Variants in HERC2 observed in about 807,000 individuals in gnomAD.
HERC2 encodes the protein E3 ubiquitin-protein ligase HERC2.
A neutral mutation model predicts 537.7 loss-of-function variants in HERC2; 102 were observed. That is an observed-to-expected ratio of 0.19 (90% CI 0.16 to 0.22). The LOEUF is 0.22. HERC2 is among the 10% of genes least tolerant of loss of function. HERC2 has a pLI of 1.00. For missense variants in HERC2, 4,236 were observed against 6,198.2 expected (o/e 0.68, Z 10.63); for synonymous variants, 2,224 against 2,466.2 (o/e 0.90, Z 2.91).
chr15:28,124,276 GCA>G, intron 84 of HERC2, 42 bp from the exon 85 acceptor site: 1 of 1,308,432 alleles, frequency 7.6e-7, no homozygotes, highest in Non-Finnish European at 1.0e-6. Context: ...GGCACCAAAG[GCA>G]CACGGGGGCC....
intron 55 of HERC2, 35 bp downstream of exon 55, chr15:28,190,930 A>C (rs759877922): frequency 2.8e-6 from 4 of 1,412,394 alleles, no homozygotes; most frequent in East Asian, 2.3e-5. Context: ...GTCATCTGTA[A>C]ATCATCCAAA....
intron 4 of HERC2, among the ~76,000 whole-genome samples, chr15:28,291,233 GA>G (rs2076302277): frequency 6.6e-6 from 1 of 151,974 alleles, no homozygotes; most frequent in Non-Finnish European, 1.5e-5. Context: ...CCCCAAATAC[GA>G]ATTTTTTTTT....
intron 83 of HERC2, among the ~76,000 whole-genome samples, chr15:28,127,703 G>A (rs1262711334): frequency 1.3e-5 from 2 of 152,136 alleles, no homozygotes; most frequent in Non-Finnish European, 2.9e-5. Context: ...GGAACAAGTG[G>A]AGGCTAATCA....
chr15:28,246,772 C>A lies in HERC2; in HGVS notation c.3361G>T (p.Val1121Leu). ...AAGTCCCCTTCCACAATGTAAGCCACCTCCGCGAAGTGCCGCCAGCTGGTA... is the reference window on the plus strand; with the variant it reads ...AAGTCCCCTTCCACAATGTAAGCCAACTCCGCGAAGTGCCGCCAGCTGGTA... Reference protein sequence around the residue: ...ASTSWRHFAEVAYIVEGDFTG... With the variant: ...ASTSWRHFAELAYIVEGDFTG... The change falls in exon 22 of 93, where the codon GTG becomes TTG. Residue 1121 changes from valine to leucine, a missense_variant. Coordinates refer to ENST00000261609, the MANE Select transcript of HERC2 (RefSeq NM_004667.6). The A allele has an allele frequency of 1.2e-6, 2 of 1,604,202 alleles. No homozygotes were observed. The highest frequency in any genetic ancestry group is 1.7e-6 in the Non-Finnish European group (2 of 1,176,034).
At chr15:28,296,392 G>A (rs1465985635) in intron 3 of HERC2, among the ~76,000 whole-genome samples, 1 of 152,100 alleles carries the variant, frequency 6.6e-6, no homozygotes, top group Non-Finnish European at 1.5e-5. Context: ...AGAACTGCTT[G>A]AACCGGGGAG....
chr15:28,245,379 T>G (rs1319624967), intron 23 of HERC2, among the ~76,000 whole-genome samples: 2 of 151,824 alleles, frequency 1.3e-5, no homozygotes, highest in Non-Finnish European at 2.9e-5. Context: ...AAACCCCATC[T>G]CTACTAAAAA....
At chr15:28,280,982 A>G (rs1334738845) in intron 4 of HERC2, among the ~76,000 whole-genome samples, 1 of 152,152 alleles carries the variant, frequency 6.6e-6, no homozygotes, top group Non-Finnish European at 1.5e-5. Flanking sequence ...CACATCTCCT[A>G]AACAGAGAAA....
chr15:28,165,564 G>A (rs1255389837), intron 68 of HERC2, among the ~76,000 whole-genome samples: 2 of 151,966 alleles, frequency 1.3e-5, no homozygotes, highest in Non-Finnish European at 2.9e-5. Context: ...GGATGAGGCA[G>A]GCAGATCACT....
At chr15:28,207,241 T>A (rs1188345934) in intron 44 of HERC2, among the ~76,000 whole-genome samples, 1 of 151,882 alleles carries the variant, frequency 6.6e-6, no homozygotes, top group African/African-American at 2.4e-5. Flanking sequence ...CTCAAGCGAT[T>A]CTCCTGCATC....
At chr15:28,161,226 T>C (rs2142424139) in intron 69 of HERC2, among the ~76,000 whole-genome samples, 1 of 152,316 alleles carries the variant, frequency 6.6e-6, no homozygotes, top group East Asian at 1.9e-4. Context: ...GAATTTCAGA[T>C]AAAGGAGTAT....
At chr15:28,294,010 G>A (rs1449556069) in intron 3 of HERC2, among the ~76,000 whole-genome samples, 9 of 152,244 alleles carry the variant, frequency 5.9e-5, no homozygotes, top group Admixed American at 4.6e-4. Context: ...TATCTCAATC[G>A]GTGAAAGACA....
chr15:28,114,913 G>GC (rs1173215408), intron 89 of HERC2, 111 bp from the exon 90 acceptor site: 3 of 812,120 alleles, frequency 3.7e-6, no homozygotes, highest in African/African-American at 3.4e-5. Flanking sequence ...AGCCTCAAGT[G>GC]CATCTCGAGG....
chr15:28,146,405 C>G (rs753951115), intron 70 of HERC2, 61 bp from the exon 71 acceptor site: 64 of 1,157,032 alleles, frequency 5.5e-5, no homozygotes, highest in Non-Finnish European at 8.2e-5. Context: ...AAAGTAGAAA[C>G]AGTGAAACTA....
chr15:28,285,453 A>G (rs552912947), intron 4 of HERC2, among the ~76,000 whole-genome samples: 2 of 152,308 alleles, frequency 1.3e-5, no homozygotes, highest in East Asian at 3.9e-4. Flanking sequence ...TCCATGGATC[A>G]AAGAGGAAGT....
chr15:28,287,810 G>A (rs531842739), intron 4 of HERC2, among the ~76,000 whole-genome samples: 148 of 142,066 alleles, frequency 1.0e-3, no homozygotes, highest in South Asian at 6.3e-3. Flanking sequence ...TGCAAGCTCC[G>A]CCTCCTGGGT....
chr15:28,124,995 C>T lies in HERC2; in HGVS notation c.12990+11G>A. 6.3e-7 allele frequency: 1 copy of T among 1,586,188 alleles called. No homozygotes were observed. On this transcript the variant is annotated intron_variant, in intron 84 of 92. Transcript: ENST00000261609. ...GCTTGCCCCCGACCCACCCAACCTG[C>T]CCGGACTCACCTGTGCAGGGAGTTT...
rs2141346882 is a variant in HERC2 at position 28,321,386 on chromosome 15, G to A, written c.48C>T (p.Ser16=). 1.1e-6 allele frequency: 1 copy of A among 894,530 alleles called. No homozygotes were observed. The allele number at this position is 894,530 out of a possible 1,614,324, so 55.4% of individuals were successfully genotyped here. ...FCLAAQARLD[S]KWLKTDIQLA... is the part of the protein sequence containing the mutation. The stretch of plus-strand genomic sequence containing the variant: ...CCTGTATATCTGTTTTCAACCATTT[G>A]GAGTCGAGGCGAGCCTGGGCAGCCA... The change falls in exon 2 of 93, where the codon TCC becomes TCT. Residue 16 remains serine, a synonymous_variant. Coordinates refer to ENST00000261609, the MANE Select transcript of HERC2 (RefSeq NM_004667.6).
chr15:28,267,887 CATTTA>C (rs1168561321), intron 12 of HERC2, among the ~76,000 whole-genome samples: 1 of 152,242 alleles, frequency 6.6e-6, no homozygotes, highest in Non-Finnish European at 1.5e-5. Flanking sequence ...ATACATCCCT[CATTTA>C]AACCTAATGC....
chr15:28,242,792 A>C (rs973084422), intron 23 of HERC2, among the ~76,000 whole-genome samples: 1 of 152,242 alleles, frequency 6.6e-6, no homozygotes, highest in East Asian at 1.9e-4. Flanking sequence ...ACATTAATAA[A>C]AAAAATAAAA....
Sources: gnomAD v4.1 joint callset for allele counts (sites outside exome capture counted in the v4.1 genomes callset) on GRCh38, gnomAD v4.1.1 for gene constraint, MANE v1.5 for transcripts, NCBI Gene and HGNC (gene_info 2026-07-23, HGNC 2026-07-21) for gene names.